G6PC1: variants seen among roughly 807,000 people sequenced by gnomAD.
The protein encoded by G6PC1 is G-6-Pase.
A neutral mutation model predicts 30.4 loss-of-function variants in G6PC1; 23 were observed. The observed-to-expected ratio is 0.76, with a 90% confidence interval of 0.55 to 1.07. The LOEUF (loss-of-function observed/expected upper bound fraction) is 1.07. Ranked by LOEUF, G6PC1 falls within the 50% of genes least tolerant of loss-of-function variation. The probability of loss-of-function intolerance (pLI) is 0.00; values close to 1 mark genes in which losing one functional copy is unlikely to be tolerated. For synonymous variants in G6PC1, 163 were observed against 175.6 expected (o/e 0.93, Z 0.57); for missense variants, 391 against 433.9 (o/e 0.90, Z 0.88).
chr17:42,905,764 C>T (rs1004652323), intron 2 of G6PC1, among the ~76,000 whole-genome samples: 8 of 151,890 alleles, frequency 5.3e-5, no homozygotes, highest in East Asian at 1.9e-4. Context: ...GAAAGTAGGC[C>T]GGGCGCGGTG....
Position 42,900,873 on chromosome 17 carries a change from G to A in G6PC1, c.-4G>A. On this transcript the variant is annotated 5_prime_UTR_variant, in exon 1 of 5. The change abolishes an upstream ATG in the 5' untranslated region. Transcript: ENST00000253801. ...CATCTTCCTGAGGTGCCAAGGAAAT[G>A]AGGATGGAGGAAGGAATGAATGTTC... 6.2e-6 allele frequency: 10 copies of A among 1,612,822 alleles called. No homozygotes were observed. The highest frequency in any genetic ancestry group is 8.5e-6 in the Non-Finnish European group (10 of 1,178,796).
At chr17:42,909,482 G>A (rs191213146) in intron 4 of G6PC1, 64 bp downstream of exon 4, 1 of 1,198,990 alleles carries the variant, frequency 8.3e-7, no homozygotes, top group Admixed American at 1.7e-5. Flanking sequence ...TCCCTAATCA[G>A]GACAAAATCC....
intron 4 of G6PC1, among the ~76,000 whole-genome samples, chr17:42,910,583 CAATT>C (rs1194863460): frequency 9.9e-5 from 15 of 152,118 alleles, no homozygotes; most frequent in Non-Finnish European, 2.1e-4. Flanking sequence ...ATTCAGCAAT[CAATT>C]CCGTTCAAAG....
rs190338361 is a variant in G6PC1, at chr17:42,910,738, A to G, written c.563-177A>G. Among the ~76,000 whole-genome samples, 601 of 152,242 alleles carry G rather than the reference A, an allele frequency of 3.9e-3. 5 individuals are homozygous for G. The highest frequency in any genetic ancestry group is 5.0e-3 in the South Asian group (24 of 4,826). On this transcript the variant is annotated intron_variant, in intron 4 of 4. Transcript: ENST00000253801. ...GGCACCTCCATCTGAAAGAGTCTAT[A>G]TTGAGGGCAGGCTGGAGTCACACAT...
rs987462071 is a variant in G6PC1, at chr17:42,909,346, C to T, written c.490C>T (p.Leu164=). 6.2e-7 allele frequency: 1 copy of T among 1,614,074 alleles called. No individual in the cohort carries two copies. The highest frequency in any genetic ancestry group is 1.3e-5 in the African/African-American group (1 of 74,928). ...GTGGTTGGGATTCTGGGCTGTGCAGCTGAATGTCTGTCTGTCACGAATCTA... is the reference window on the plus strand; with the variant it reads ...GTGGTTGGGATTCTGGGCTGTGCAGTTGAATGTCTGTCTGTCACGAATCTA... The part of the protein sequence containing the change: ...ILWLGFWAVQ[L]NVCLSRIYLA... Residue 164 remains leucine (L), a synonymous_variant, in exon 4 of 5, where the codon CTG becomes TTG. Coordinates refer to ENST00000253801, the MANE Select transcript of G6PC1 (RefSeq NM_000151.4).
chr17:42,905,657 AG>A (rs199974515), intron 2 of G6PC1, among the ~76,000 whole-genome samples: 2,713 of 152,164 alleles, frequency 0.018, 70 homozygotes, highest in African/African-American at 0.06. Context: ...CAGACTGGAA[AG>A]TTTAAAGTGG....
In G6PC1 at chr17:42,913,928, G is replaced by A. The variant is rs907720455; in HGVS notation, c.*2502G>A. ...CCTCCAAAGGCCTCAAATCATCACC[G>A]TATCAATGGATTTCCTGAGGGTAAG... is the stretch of plus-strand genomic sequence containing the variant. On this transcript the variant is annotated 3_prime_UTR_variant, in exon 5 of 5. Transcript: ENST00000253801. Among the ~76,000 whole-genome samples the A allele has an allele frequency of 2.6e-5, 4 of 152,026 alleles. No homozygotes were observed. Among genetic ancestry groups the A allele is most frequent in the Admixed American group, 6.6e-5 (1 of 15,248 alleles).
At chr17:42,910,706 G>A (rs998056121) in intron 4 of G6PC1, among the ~76,000 whole-genome samples, 28 of 152,150 alleles carry the variant, frequency 1.8e-4, no homozygotes, top group African/African-American at 4.3e-4. Flanking sequence ...GAGATTGTAC[G>A]TGATATGGCA....
intron 3 of G6PC1, among the ~76,000 whole-genome samples, chr17:42,908,218 A>G (rs1451971069): frequency 6.6e-6 from 1 of 152,036 alleles, no homozygotes; most frequent in Non-Finnish European, 1.5e-5. Context: ...TTTTGTAGAG[A>G]CAGAGTTCTG....
chr17:42,911,144 C>A lies in G6PC1; in HGVS notation c.792C>A (p.Asn264Lys), dbSNP rs1555560149. The A allele has an allele frequency of 6.2e-7, 1 of 1,614,130 alleles. No homozygotes were observed. Among genetic ancestry groups the A allele is most frequent in the Non-Finnish European group, 8.5e-7 (1 of 1,180,028 alleles). Residue 264 changes from asparagine (N) to lysine (K), a missense_variant, in exon 5 of 5, where the codon AAC becomes AAA. Asn to Lys is a moderately conservative substitution (Grantham distance 94). Transcript: ENST00000253801. ...DTTPFASLLK[N>K]LGTLFGLGLA... is the part of the protein sequence containing the mutation. ...CACCCTTTGCCAGCCTCCTCAAGAA[C>A]CTGGGCACGCTCTTTGGCCTGGGGC...
At chr17:42,906,753 A>C (rs1018671485) in intron 2 of G6PC1, among the ~76,000 whole-genome samples, 2 of 152,038 alleles carry the variant, frequency 1.3e-5, no homozygotes, top group African/African-American at 4.8e-5. Context: ...GGTGGTGTGC[A>C]CCTGTGGTCC....
intron 1 of G6PC1, among the ~76,000 whole-genome samples, chr17:42,902,316 C>T (rs998136739): frequency 3.3e-5 from 5 of 152,068 alleles, no homozygotes; most frequent in Non-Finnish European, 5.9e-5. Context: ...GGTGCAATCT[C>T]AGCTCACTGC....
At chr17:42,907,462 T>C (rs2056068809) in intron 2 of G6PC1, 61 bp from the exon 3 acceptor site, 6 of 1,151,138 alleles carry the variant, frequency 5.2e-6, no homozygotes, top group Non-Finnish European at 7.8e-6. Context: ...GGGTAGATGA[T>C]GCACTGTCTC....
At position 42,901,136 on chromosome 17, in the gene G6PC1, A is replaced by G. The variant is rs9899535; in HGVS notation, c.230+30A>G. 7.9e-4 allele frequency: 1,252 copies of G among 1,576,230 alleles called. 12 individuals are homozygous for G. The African/African-American group carries it at 0.015, about 19-fold the overall frequency. The stretch of plus-strand genomic sequence containing the variant: ...GAACCATATAGAGAGGAGATCAGCA[A>G]GAAAAGAGGCTGGCATTCGCTCTCG... On this transcript the variant is annotated intron_variant, in intron 1 of 4. Coordinates refer to ENST00000253801, the MANE Select transcript of G6PC1 (RefSeq NM_000151.4).
intron 4 of G6PC1, among the ~76,000 whole-genome samples, chr17:42,910,361 AAC>A (rs2056087729): frequency 6.6e-6 from 1 of 152,212 alleles, no homozygotes; most frequent in Non-Finnish European, 1.5e-5. Flanking sequence ...TCACAAAAGT[AAC>A]ACAGCATTTA....
chr17:42,908,105 G>A (rs1474659227), intron 3 of G6PC1, among the ~76,000 whole-genome samples: 1 of 151,660 alleles, frequency 6.6e-6, no homozygotes, highest in East Asian at 1.9e-4. Flanking sequence ...ATCATGTCTC[G>A]CTGCAACCTC....
chr17:42,910,897 A>T lies in G6PC1; in HGVS notation c.563-18A>T, dbSNP rs1204439556. On this transcript the variant is annotated intron_variant, in intron 4 of 4. Coordinates refer to ENST00000253801, the MANE Select transcript of G6PC1 (RefSeq NM_000151.4). ...CAAATCCTTCCTATCTCTCACAGTC[A>T]TGCTTTCTTCCACTCAGGCATTGCT... The T allele has an allele frequency of 3.1e-6, 5 of 1,613,784 alleles. No individual in the cohort carries two copies. The highest frequency in any genetic ancestry group is 1.7e-6 in the Non-Finnish European group (2 of 1,179,814).
chr17:42,909,130 C>T (rs2056080144), intron 3 of G6PC1, among the ~76,000 whole-genome samples, 173 bp from the exon 4 acceptor site: 1 of 152,120 alleles, frequency 6.6e-6, no homozygotes, highest in South Asian at 2.1e-4. Flanking sequence ...AGGTCTGAGC[C>T]GCTGCACCCA....
chr17:42,911,593 C>G lies in G6PC1; in HGVS notation c.*167C>G, dbSNP rs2056097200. 1.0e-6 allele frequency: 1 copy of G among 974,770 alleles called. No homozygotes were observed. The highest frequency in any genetic ancestry group is 1.6e-5 in the African/African-American group (1 of 62,546). 60.4% of individuals were successfully genotyped at this position (974,770 alleles called of 1,614,324 possible). On this transcript the variant is annotated 3_prime_UTR_variant, in exon 5 of 5. Coordinates refer to ENST00000253801, the MANE Select transcript of G6PC1 (RefSeq NM_000151.4). ...AGATTGGAGGGTCGCCTGGCTTATTCCCATGTGTGACTCCAGCCTGCCCTC... is the reference window on the plus strand; with the variant it reads ...AGATTGGAGGGTCGCCTGGCTTATTGCCATGTGTGACTCCAGCCTGCCCTC...
Sources: allele counts gnomAD v4.1 joint callset (sites outside exome capture counted in the v4.1 genomes callset), GRCh38; gene constraint gnomAD v4.1.1; transcripts MANE v1.5; gene names NCBI Gene and HGNC (gene_info 2026-07-23, HGNC 2026-07-21).